BNC2: variants seen among roughly 807,000 people sequenced by gnomAD.
BNC2 encodes basonuclin zinc finger protein 2.
Under a neutral mutation model 76.3 loss-of-function variants are expected in BNC2, and 20 were observed. The observed-to-expected ratio is 0.26, with a 90% CI of 0.18 to 0.38. BNC2 has a LOEUF of 0.38. BNC2 is among the 10% of genes least tolerant of loss of function. The pLI is 1.00. For synonymous variants in BNC2, 582 were observed against 514.8 expected (o/e 1.13, Z -1.77); for missense variants, 1,382 against 1,399.8 (o/e 0.99, Z 0.20).
At chr9:16,770,693 C>T (rs1297928435) in intron 1 of BNC2, among the ~76,000 whole-genome samples, 1 of 151,714 alleles carries the variant, frequency 6.6e-6, no homozygotes, top group Non-Finnish European at 1.5e-5. Flanking sequence ...GGTAAAACCC[C>T]ACCTCTACAA....
At chr9:16,523,462 C>T (rs1028240988) in intron 5 of BNC2, among the ~76,000 whole-genome samples, 3 of 145,806 alleles carry the variant, frequency 2.1e-5, no homozygotes, top group Admixed American at 6.8e-5. Context: ...AATAGCAAGA[C>T]CCCGTCTCAA....
At chr9:16,537,784 G>A (rs558312924) in intron 5 of BNC2, among the ~76,000 whole-genome samples, 1 of 152,286 alleles carries the variant, frequency 6.6e-6, no homozygotes, top group African/African-American at 2.4e-5. Context: ...TTAGGTCTAG[G>A]AAACCACAAC....
intron 5 of BNC2, among the ~76,000 whole-genome samples, chr9:16,501,435 C>A (rs534130211): frequency 6.6e-6 from 1 of 152,162 alleles, no homozygotes; most frequent in African/African-American, 2.4e-5. Context: ...CTTTTCAACA[C>A]TTTTCATACA....
intron 4 of BNC2, among the ~76,000 whole-genome samples, chr9:16,571,619 T>C (rs1019699346): frequency 4.6e-5 from 7 of 152,172 alleles, no homozygotes; most frequent in African/African-American, 1.7e-4. Flanking sequence ...CTGTCTACTT[T>C]TCTTTGAGGC....
intron 5 of BNC2, among the ~76,000 whole-genome samples, chr9:16,464,652 G>A (rs935904027): frequency 6.6e-6 from 1 of 152,104 alleles, no homozygotes; most frequent in East Asian, 1.9e-4. Context: ...TTTGTCTCGG[G>A]TTCAAGCAAT....
chr9:16,465,434 C>CAAAAAAA (rs34834563), intron 5 of BNC2, among the ~76,000 whole-genome samples: 3,534 of 83,954 alleles, frequency 0.042, 211 homozygotes, highest in African/African-American at 0.14. Flanking sequence ...ACTCCAACTC[C>CAAAAAAA]AAAAAAAAAA....
At chr9:16,694,042 C>G (rs1271789791) in intron 3 of BNC2, among the ~76,000 whole-genome samples, 1 of 152,088 alleles carries the variant, frequency 6.6e-6, no homozygotes, top group East Asian at 1.9e-4. Flanking sequence ...CTATTGAATG[C>G]TTTATTTTGG....
intron 3 of BNC2, among the ~76,000 whole-genome samples, chr9:16,706,769 T>A (rs998380020): frequency 3.3e-5 from 5 of 151,906 alleles, no homozygotes; most frequent in East Asian, 1.9e-4. Context: ...AATTAATTTT[T>A]AAAAAAAAGG....
At chr9:16,834,445 A>C (rs1236569975) in intron 1 of BNC2, among the ~76,000 whole-genome samples, 2 of 152,138 alleles carry the variant, frequency 1.3e-5, no homozygotes. Context: ...AAAAGCAAAA[A>C]ATGCACCAGG....
At chr9:16,857,460 G>C (rs528968650) in intron 1 of BNC2, among the ~76,000 whole-genome samples, 39 of 115,638 alleles carry the variant, frequency 3.4e-4, no homozygotes, top group South Asian at 1.7e-3. Flanking sequence ...CTGGGCAACA[G>C]AGTGAGACTC....
At chr9:16,565,817 A>T (rs1819150337) in intron 4 of BNC2, among the ~76,000 whole-genome samples, 1 of 151,990 alleles carries the variant, frequency 6.6e-6, no homozygotes, top group African/African-American at 2.4e-5. Flanking sequence ...AAAAAAAAAA[A>T]AAGCAACAAA....
At chr9:16,518,410 G>A (rs956335073) in intron 5 of BNC2, among the ~76,000 whole-genome samples, 1 of 151,932 alleles carries the variant, frequency 6.6e-6, no homozygotes, top group Non-Finnish European at 1.5e-5. Context: ...CAGTGTAATA[G>A]GGCGAAACCA....
At chr9:16,860,938 C>T (rs1819390508) in intron 1 of BNC2, among the ~76,000 whole-genome samples, 1 of 151,502 alleles carries the variant, frequency 6.6e-6, no homozygotes, top group Admixed American at 6.6e-5. Context: ...GCCAGCTACT[C>T]GGGACGCTGA....
At chr9:16,442,205 T>A (rs1170136631) in intron 5 of BNC2, among the ~76,000 whole-genome samples, 2 of 152,236 alleles carry the variant, frequency 1.3e-5, no homozygotes, top group Non-Finnish European at 2.9e-5. Context: ...CCTGTGAAAA[T>A]AACTGGCTAT....
At chr9:16,448,160 C>T (rs1331106768) in intron 5 of BNC2, among the ~76,000 whole-genome samples, 1 of 152,142 alleles carries the variant, frequency 6.6e-6, no homozygotes, top group Admixed American at 6.6e-5. Flanking sequence ...CCCTCTCTGA[C>T]ATTTTTGCTT....
At chr9:16,612,838 A>G (rs2133449384) in intron 3 of BNC2, among the ~76,000 whole-genome samples, 2 of 152,310 alleles carry the variant, frequency 1.3e-5, no homozygotes, top group South Asian at 4.1e-4. Context: ...TTCAAGAGGC[A>G]CTGGACTCAA....
chr9:16,455,065 G>A (rs766429521), intron 5 of BNC2, among the ~76,000 whole-genome samples: 5 of 152,186 alleles, frequency 3.3e-5, no homozygotes, highest in East Asian at 3.8e-4. Flanking sequence ...TATGAGAAAC[G>A]GAGCCCCAGG....
intron 1 of BNC2, among the ~76,000 whole-genome samples, chr9:16,859,190 A>G (rs1388871976): frequency 6.6e-6 from 1 of 152,172 alleles, no homozygotes; most frequent in Non-Finnish European, 1.5e-5. Context: ...ATCAAAAAAA[A>G]AAAACAGGAA....
At chr9:16,768,887 AAGAC>A (rs767495896) in intron 1 of BNC2, among the ~76,000 whole-genome samples, 16 of 152,330 alleles carry the variant, frequency 1.1e-4, no homozygotes, top group African/African-American at 1.4e-4. Context: ...AAACGAGAGA[AAGAC>A]AGAAAGCAGA....
Sources: allele counts gnomAD v4.1 joint callset (sites outside exome capture counted in the v4.1 genomes callset), GRCh38; gene constraint gnomAD v4.1.1; transcripts MANE v1.5; gene names NCBI Gene and HGNC (gene_info 2026-07-23, HGNC 2026-07-21).